HS6ST3: variants seen among roughly 807,000 people sequenced by gnomAD.
HS6ST3 encodes the protein heparan sulfate 6-O-sulfotransferase 3.
Under a neutral mutation model 36.7 loss-of-function variants are expected in HS6ST3, and 12 were observed. The ratio of observed to expected loss-of-function variants is 0.33; its 90% CI spans 0.21 to 0.53. The LOEUF is 0.53. Ranked by LOEUF, HS6ST3 falls within the 20% of genes least tolerant of loss-of-function variation. The pLI, the probability that HS6ST3 is intolerant of heterozygous loss-of-function variation, is 0.95. For synonymous variants in HS6ST3, 240 were observed against 257.5 expected (o/e 0.93, Z 0.65); for missense variants, 584 against 640.9 (o/e 0.91, Z 0.96).
intron 1 of HS6ST3, among the ~76,000 whole-genome samples, chr13:96,326,384 G>A (rs1289912986): frequency 7.4e-6 from 1 of 135,444 alleles, no homozygotes; most frequent in Non-Finnish European, 1.5e-5. Context: ...GTGTCCATGT[G>A]TTCTCGTTGT....
At chr13:96,174,388 T>G (rs1474422305) in intron 1 of HS6ST3, among the ~76,000 whole-genome samples, 17 of 152,106 alleles carry the variant, frequency 1.1e-4, no homozygotes. Flanking sequence ...TCCCTCCAAA[T>G]TTTTTAGGTA....
At chr13:96,401,805 G>A (rs1242774941) in intron 1 of HS6ST3, among the ~76,000 whole-genome samples, 1 of 152,092 alleles carries the variant, frequency 6.6e-6, no homozygotes, top group African/African-American at 2.4e-5. Flanking sequence ...AACTCCTGAT[G>A]TCAAGTGACC....
At chr13:96,493,406 CT>C (rs1484468145) in intron 1 of HS6ST3, among the ~76,000 whole-genome samples, 1 of 152,066 alleles carries the variant, frequency 6.6e-6, no homozygotes, top group Non-Finnish European at 1.5e-5. Context: ...ACATATATAT[CT>C]AAATAATGAT....
intron 1 of HS6ST3, among the ~76,000 whole-genome samples, chr13:96,790,106 C>T (rs1326767574): frequency 2.6e-5 from 4 of 151,830 alleles, no homozygotes. Context: ...TCAATTTCTC[C>T]ATTTTTTCTT....
chr13:96,799,992 A>ATATGTATATATATATACG (rs1262861003), intron 1 of HS6ST3, among the ~76,000 whole-genome samples: 1 of 122,760 alleles, frequency 8.1e-6, no homozygotes, highest in Non-Finnish European at 1.6e-5. Flanking sequence ...GTATATATAT[A>ATATGTATATATATATACG]TATATGTATA....
intron 1 of HS6ST3, among the ~76,000 whole-genome samples, chr13:96,581,726 G>A (rs1436377220): frequency 2.6e-5 from 4 of 152,160 alleles, no homozygotes; most frequent in Admixed American, 2.6e-4. Context: ...TAGAAAGTAA[G>A]TCAAAATAAT....
At chr13:96,483,108 A>G (rs946083077) in intron 1 of HS6ST3, among the ~76,000 whole-genome samples, 2 of 152,222 alleles carry the variant, frequency 1.3e-5, no homozygotes, top group African/African-American at 4.8e-5. Context: ...CACATTCATG[A>G]AAGTATAAAA....
intron 1 of HS6ST3, among the ~76,000 whole-genome samples, chr13:96,562,424 C>T (rs2056265742): frequency 6.6e-6 from 1 of 152,054 alleles, no homozygotes; most frequent in South Asian, 2.1e-4. Flanking sequence ...ATGCTCAGTA[C>T]CTGGGTGACA....
intron 1 of HS6ST3, among the ~76,000 whole-genome samples, chr13:96,582,779 A>G (rs1431677560): frequency 6.6e-6 from 1 of 152,140 alleles, no homozygotes; most frequent in African/African-American, 2.4e-5. Flanking sequence ...AATATGTTCC[A>G]TCCTCTATTT....
chr13:96,291,604 G>A (rs1346121610), intron 1 of HS6ST3, among the ~76,000 whole-genome samples: 1 of 152,134 alleles, frequency 6.6e-6, no homozygotes, highest in Non-Finnish European at 1.5e-5. Flanking sequence ...AAGTGAATAA[G>A]ATAAATGCAT....
intron 1 of HS6ST3, among the ~76,000 whole-genome samples, chr13:96,800,000 A>ATATATATATATGTGTGTATATATATATG (rs1439454258): frequency 3.4e-5 from 3 of 89,392 alleles, no homozygotes; most frequent in African/African-American, 1.7e-4. Flanking sequence ...ATATATATGT[A>ATATATATATATGTGTGTATATATATATG]TATATATATA....
intron 1 of HS6ST3, among the ~76,000 whole-genome samples, chr13:96,447,860 T>C (rs2055706965): frequency 6.6e-6 from 1 of 152,226 alleles, no homozygotes; most frequent in African/African-American, 2.4e-5. Context: ...TTCTTCCTTC[T>C]GTCTTCTCCC....
chr13:96,396,206 C>T (rs1342413697), intron 1 of HS6ST3, among the ~76,000 whole-genome samples: 1 of 152,026 alleles, frequency 6.6e-6, no homozygotes, highest in Non-Finnish European at 1.5e-5. Flanking sequence ...CCCAACTACC[C>T]TGGAGGCTGA....
intron 1 of HS6ST3, among the ~76,000 whole-genome samples, chr13:96,438,494 T>C (rs2055653952): frequency 6.6e-6 from 1 of 152,210 alleles, no homozygotes; most frequent in African/African-American, 2.4e-5. Context: ...TCTGGTGTTC[T>C]GTCTCTCTCT....
chr13:96,103,072 G>A (rs2053825340), intron 1 of HS6ST3, among the ~76,000 whole-genome samples: 1 of 152,024 alleles, frequency 6.6e-6, no homozygotes, highest in African/African-American at 2.4e-5. Flanking sequence ...GAAGGGGGTG[G>A]AGGGGCCGGT....
chr13:96,234,100 TA>T (rs550848346), intron 1 of HS6ST3, among the ~76,000 whole-genome samples: 2,709 of 139,362 alleles, frequency 0.019, 60 homozygotes, highest in African/African-American at 0.055. Context: ...TTTCATCTGT[TA>T]AAAAAAAAAA....
At chr13:96,640,661 T>A (rs1249230435) in intron 1 of HS6ST3, among the ~76,000 whole-genome samples, 1 of 151,872 alleles carries the variant, frequency 6.6e-6, no homozygotes, top group Non-Finnish European at 1.5e-5. Flanking sequence ...TGTTTCCTAG[T>A]TTTTCTTCTA....
chr13:96,401,725 C>A (rs1250684245), intron 1 of HS6ST3, among the ~76,000 whole-genome samples: 2 of 151,976 alleles, frequency 1.3e-5, no homozygotes, highest in African/African-American at 4.8e-5. Flanking sequence ...CAAGCATGCC[C>A]CACCAAACCC....
chr13:96,370,381 T>G (rs2055283716), intron 1 of HS6ST3, among the ~76,000 whole-genome samples: 1 of 152,222 alleles, frequency 6.6e-6, no homozygotes, highest in Non-Finnish European at 1.5e-5. Flanking sequence ...TTATTTTTCT[T>G]TAAAAAATTT....
Sources: allele counts gnomAD v4.1 joint callset (sites outside exome capture counted in the v4.1 genomes callset), GRCh38; gene constraint gnomAD v4.1.1; transcripts MANE v1.5; gene names NCBI Gene and HGNC (gene_info 2026-07-23, HGNC 2026-07-21).